The following PRRC2C variants were observed in gnomAD, a reference collection of about 807,000 sequenced individuals.
PRRC2C encodes protein PRRC2C.
PRRC2C carries 72 observed loss-of-function variants against 317.2 expected under a neutral mutation model. That is an observed-to-expected ratio of 0.23 (90% CI 0.19 to 0.28). The LOEUF (loss-of-function observed/expected upper bound fraction) is 0.28, where lower values mean the gene tolerates loss of function less well. Among genes scored for constraint, PRRC2C ranks in the 10% least tolerant of loss-of-function variants. PRRC2C has a pLI of 1.00. For synonymous variants in PRRC2C, 1,296 were observed against 1,205.9 expected, an observed-to-expected ratio of 1.07 and a Z score of -1.55; for missense variants, 3,074 against 3,459.7, an observed-to-expected ratio of 0.89 and a Z score of 2.80.
Position 171,492,264 on chromosome 1 carries a change from A to C in PRRC2C, c.-58+6529A>C, listed in dbSNP as rs188005560. ...AATTCTCTTGAAGAAATAACTATTA[A>C]AGAGGGATGGAAAAAGCCAAGAATG... On this transcript the variant is annotated intron_variant, in intron 1 of 34. Transcript: ENST00000647382. Among the ~76,000 whole-genome samples the C allele has an allele frequency of 2.0e-5, 3 of 152,326 alleles. No homozygotes were observed. The East Asian group carries it at 5.8e-4, about 29-fold the overall frequency.
At position 171,523,506 on chromosome 1, in the gene PRRC2C, C is replaced by T. The variant is rs773792944; in HGVS notation, c.1039C>T (p.Pro347Ser). ...TGATGATGAACAAGGAAGTAACAGTCCTAAAGAGAATAACAGGTAAGTTGT... is the reference window on the plus strand; with the variant it reads ...TGATGATGAACAAGGAAGTAACAGTTCTAAAGAGAATAACAGGTAAGTTGT... ...SDDDEQGSNS[P>S]KENNSEDQGS... The change falls in exon 9 of 35, where the codon CCT becomes TCT. Residue 347 changes from proline to serine, a missense_variant. Around this residue, in one of 11 missense-constraint regions of PRRC2C, gnomAD observed 1,320 missense variants for 1,395.7 expected, o/e 0.95. Transcript: ENST00000647382. 4 of 1,609,812 alleles carry T rather than the reference C, an allele frequency of 2.5e-6. No individual in the cohort carries two copies. The South Asian group carries it at 4.4e-5, about 18-fold the overall frequency.
At chr1:171,508,592 T>A (rs899580745) in intron 1 of PRRC2C, among the ~76,000 whole-genome samples, 1 of 152,222 alleles carries the variant, frequency 6.6e-6, no homozygotes, top group Non-Finnish European at 1.5e-5. Flanking sequence ...TGTTCTGCGA[T>A]GGCTAGAGTT....
chr1:171,529,963 G>A (rs1430456330), intron 11 of PRRC2C, among the ~76,000 whole-genome samples: 1 of 152,032 alleles, frequency 6.6e-6, no homozygotes, highest in Non-Finnish European at 1.5e-5. Flanking sequence ...CATCACCATC[G>A]TTTCCAGCAA....
In PRRC2C at chr1:171,589,548, A is replaced by C. The variant is rs1193429533; in HGVS notation, c.8379A>C (p.Leu2793=). ...TAGCCAGGGGTCCTTGTGGATCACT[A>C]TCTGGAGTCAGAGGTAATCAGGCCC... ...PHVARGPCGS[L]SGVRGNQAQA... Residue 2793 remains leucine (L), a synonymous_variant, in exon 34 of 35, where the codon CTA becomes CTC. Coordinates refer to ENST00000647382, the MANE Select transcript of PRRC2C (RefSeq NM_001387844.1). 5.4e-6 allele frequency: 7 copies of C among 1,289,636 alleles called. No individual in the cohort carries two copies. The highest frequency in any genetic ancestry group is 7.1e-6 in the Non-Finnish European group (7 of 988,850). The allele number at this position is 1,289,636 out of a possible 1,614,324, so 79.9% of individuals were successfully genotyped here. A position where few individuals can be genotyped will look rare whatever the true frequency, so the allele number is the denominator to read the frequency against.
intron 6 of PRRC2C, 66 bp downstream of exon 6, chr1:171,517,880 TTG>T: frequency 7.2e-7 from 1 of 1,389,298 alleles, no homozygotes; most frequent in Non-Finnish European, 9.9e-7. Flanking sequence ...AAGGAGCGAA[TTG>T]TTATAGGGAA....
chr1:171,572,500 T>A (rs1684951651), intron 24 of PRRC2C, among the ~76,000 whole-genome samples: 1 of 152,182 alleles, frequency 6.6e-6, no homozygotes, highest in African/African-American at 2.4e-5. Context: ...CCCCTTATCT[T>A]TTCCCCTGTC....
At chr1:171,528,017 G>A (rs1400288425) in intron 11 of PRRC2C, among the ~76,000 whole-genome samples, 173 bp downstream of exon 11, 2 of 151,968 alleles carry the variant, frequency 1.3e-5, no homozygotes, top group Non-Finnish European at 2.9e-5. Flanking sequence ...CAGTTGATAA[G>A]CATGCTTCAA....
intron 20 of PRRC2C, among the ~76,000 whole-genome samples, chr1:171,562,369 G>A (rs377719953): frequency 1.3e-5 from 2 of 152,268 alleles, no homozygotes; most frequent in South Asian, 4.1e-4. Context: ...GAAGAGGTGG[G>A]AAGACACTGA....
At chr1:171,565,359 A>G (rs921983435) in intron 20 of PRRC2C, among the ~76,000 whole-genome samples, 7 of 152,088 alleles carry the variant, frequency 4.6e-5, no homozygotes, top group African/African-American at 1.2e-4. Context: ...TCAGTTCTTT[A>G]TTTGCTTCAC....
At position 171,584,440 on chromosome 1, in the gene PRRC2C, G is replaced by T. The variant is rs1181462344; in HGVS notation, c.7663G>T (p.Ala2555Ser). The T allele has an allele frequency of 1.3e-6, 2 of 1,581,722 alleles. No individual in the cohort carries two copies. Among genetic ancestry groups the T allele is most frequent in the African/African-American group, 1.4e-5 (1 of 73,860 alleles). ...LLQARANLTQ[A>S]SNLYSGQVQQ... The stretch of plus-strand genomic sequence containing the variant: ...CTAGGCCAGAGCAAATCTTACCCAG[G>T]CCTCAAATCTTTATTCTGGACAAGT... Residue 2555 changes from alanine to serine, a missense_variant, in exon 30 of 35, where the codon GCC (alanine) becomes TCC (serine). Around this residue, in one of 11 missense-constraint regions of PRRC2C, gnomAD observed 490 missense variants for 663.1 expected, o/e 0.74. Coordinates refer to ENST00000647382, the MANE Select transcript of PRRC2C (RefSeq NM_001387844.1).
chr1:171,568,402 A>T, intron 23 of PRRC2C, 63 bp downstream of exon 23: 1 of 1,538,856 alleles, frequency 6.5e-7, no homozygotes, highest in Admixed American at 2.0e-5. Flanking sequence ...TATCAAGCAC[A>T]TTATTTCATG....
chr1:171,544,555 A>G (rs1678684419), intron 16 of PRRC2C, among the ~76,000 whole-genome samples: 1 of 152,216 alleles, frequency 6.6e-6, no homozygotes, highest in African/African-American at 2.4e-5. Flanking sequence ...AGGATAACCA[A>G]AATAAACAGA....
At position 171,513,107 on chromosome 1, in the gene PRRC2C, T is replaced by C. The variant is rs1452579490; in HGVS notation, c.225T>C (p.Asn75=). The C allele has an allele frequency of 1.9e-6, 3 of 1,613,804 alleles. No homozygotes were observed. The highest frequency in any genetic ancestry group is 2.5e-6 in the Non-Finnish European group (3 of 1,179,794). Residue 75 remains asparagine, a synonymous_variant, in exon 3 of 35, where the codon AAT becomes AAC. Coordinates refer to ENST00000647382, the MANE Select transcript of PRRC2C (RefSeq NM_001387844.1). ...CAGAAAACAAAGGCAATGATCCTAA[T>C]GTAAACATTGTACCTAAAGATGGCA... The part of the protein sequence containing the change: ...LKAENKGNDP[N]VNIVPKDGTG...
intron 33 of PRRC2C, among the ~76,000 whole-genome samples, chr1:171,589,102 A>C (rs1286584231): frequency 6.6e-6 from 1 of 152,192 alleles, no homozygotes; most frequent in Non-Finnish European, 1.5e-5. Flanking sequence ...AAGTCTTTCT[A>C]TCCCCCCTTC....
chr1:171,538,454 A>G (rs1366530872), intron 15 of PRRC2C, among the ~76,000 whole-genome samples: 1 of 152,254 alleles, frequency 6.6e-6, no homozygotes, highest in African/African-American at 2.4e-5. Flanking sequence ...TAACTTTGAA[A>G]TGGCGCACAA....
chr1:171,517,866 G>A (rs1672664980), intron 6 of PRRC2C, 52 bp downstream of exon 6: 1 of 1,514,354 alleles, frequency 6.6e-7, no homozygotes, highest in African/African-American at 1.4e-5. Context: ...TTGATCTGGG[G>A]TCCAAGGAGC....
rs559173053 is a variant in PRRC2C at position 171,585,478 on chromosome 1, CTGT to C, written c.7749+960_7749+962del. Among the ~76,000 whole-genome samples the C allele has an allele frequency of 1.2e-4, 19 of 152,210 alleles. No homozygotes were observed. In the East Asian group the frequency reaches 1.5e-3, roughly 12 times the overall value. ...AAAGTCATTAGTCATTTTCTTATAA[CTGT>C]TGTTGTTTGCTATTTTAGGGAGTGA... On this transcript the variant is annotated intron_variant, in intron 30 of 34. Transcript: ENST00000647382.
At chr1:171,500,420 A>T (rs1341439532) in intron 1 of PRRC2C, among the ~76,000 whole-genome samples, 1 of 152,100 alleles carries the variant, frequency 6.6e-6, no homozygotes, top group East Asian at 1.9e-4. Flanking sequence ...TCATTTTTAG[A>T]GACAATCTTG....
At chr1:171,548,394 A>G (rs900564619) in intron 17 of PRRC2C, among the ~76,000 whole-genome samples, 1 of 152,212 alleles carries the variant, frequency 6.6e-6, no homozygotes, top group African/African-American at 2.4e-5. Flanking sequence ...TTCCTTGATC[A>G]TACCTATGTT....
Sources: allele counts gnomAD v4.1 joint callset (sites outside exome capture counted in the v4.1 genomes callset), GRCh38; gene constraint gnomAD v4.1.1; regional missense constraint gnomAD v4.1.1; transcripts MANE v1.5; gene names NCBI Gene and HGNC (gene_info 2026-07-23, HGNC 2026-07-21).